CDH12: variants seen among roughly 807,000 people sequenced by gnomAD.
CDH12 encodes cadherin 12.
Under a neutral mutation model 74.1 loss-of-function variants are expected in CDH12, and 41 were observed. The ratio of observed to expected loss-of-function variants is 0.55; its 90% CI spans 0.43 to 0.72. The LOEUF (loss-of-function observed/expected upper bound fraction) is 0.72, where lower values mean the gene tolerates loss of function less well. Among genes scored for constraint, CDH12 ranks in the 30% least tolerant of loss-of-function variants. CDH12 has a pLI of 0.00. For missense variants in CDH12, 945 were observed against 977.2 expected, an observed-to-expected ratio of 0.97 and a Z score of 0.44; for synonymous variants, 399 against 355.0, an observed-to-expected ratio of 1.12 and a Z score of -1.39.
At chr5:22,421,084 C>CT in intron 2 of CDH12, among the ~76,000 whole-genome samples, 1 of 152,178 alleles carries the variant, frequency 6.6e-6, no homozygotes. Flanking sequence ...GCTTAAGAAG[C>CT]TTTTGGGCTG....
chr5:22,734,730 C>A (rs1209383861), intron 1 of CDH12, among the ~76,000 whole-genome samples: 1 of 151,896 alleles, frequency 6.6e-6, no homozygotes, highest in Non-Finnish European at 1.5e-5. Flanking sequence ...GACACCCATG[C>A]ACCGGTCTTG....
At chr5:22,148,952 C>G (rs1395366949) in intron 4 of CDH12, among the ~76,000 whole-genome samples, 3 of 152,012 alleles carry the variant, frequency 2.0e-5, no homozygotes, top group African/African-American at 7.2e-5. Flanking sequence ...AACCCCGTCT[C>G]ACTAAAAATA....
Position 21,975,161 on chromosome 5 carries a change from A to G in CDH12, c.456T>C (p.Asp152=), listed in dbSNP as rs1180207697. 6.3e-7 allele frequency: 1 copy of G among 1,596,922 alleles called. No homozygotes were observed. The highest frequency in any genetic ancestry group is 8.5e-7 in the Non-Finnish European group (1 of 1,179,248). Residue 152 remains aspartate (D), a synonymous_variant, in exon 6 of 15, where the codon GAT becomes GAC. Transcript: ENST00000382254. ...PESEFIIKVQ[D]INDNEPKFLD... Reference sequence around the variant, plus strand: ...AAAACTTTGGCTCATTATCATTAATATCCTGCACTTTGATGATGAATTCTG... The same window carrying G: ...AAAACTTTGGCTCATTATCATTAATGTCCTGCACTTTGATGATGAATTCTG...
At chr5:22,143,479 T>C (rs74794857) in intron 4 of CDH12, 91,582 of 150,462 alleles carry the variant, frequency 0.61, 28,099 homozygotes, top group African/African-American at 0.67. Context: ...AAGCAATTTC[T>C]TGCCTCAGCC....
intron 1 of CDH12, among the ~76,000 whole-genome samples, chr5:22,817,770 T>G (rs1019269616): frequency 6.6e-6 from 1 of 152,168 alleles, no homozygotes; most frequent in African/African-American, 2.4e-5. Context: ...AGTAAATGGC[T>G]TGATGCCTTT....
chr5:22,711,953 A>G (rs761649185), intron 1 of CDH12, among the ~76,000 whole-genome samples: 12 of 152,012 alleles, frequency 7.9e-5, no homozygotes, highest in Non-Finnish European at 1.5e-4. Context: ...TAAGGTCCAC[A>G]TTTTCTAATA....
intron 6 of CDH12, among the ~76,000 whole-genome samples, chr5:21,912,303 T>A (rs1753891594): frequency 6.6e-6 from 1 of 151,958 alleles, no homozygotes; most frequent in Non-Finnish European, 1.5e-5. Context: ...GGAAAATTGT[T>A]AAGCAACTTT....
intron 5 of CDH12, among the ~76,000 whole-genome samples, chr5:22,005,405 G>T (rs1736883783): frequency 6.6e-6 from 1 of 152,082 alleles, no homozygotes; most frequent in African/African-American, 2.4e-5. Context: ...TAGATTTCAT[G>T]ACTTTCCTAT....
intron 5 of CDH12, among the ~76,000 whole-genome samples, chr5:21,991,309 G>T (rs1419244535): frequency 1.3e-5 from 2 of 151,462 alleles, no homozygotes; most frequent in Non-Finnish European, 2.9e-5. Context: ...AACAGAAATG[G>T]TTATTAAAAT....
In CDH12 at chr5:22,664,783, G is replaced by A. The variant is rs113608163; in HGVS notation, c.-522-159419C>T. ...AAGTAATTTGTCCAAGGTTATAGAC[G>A]TAGATTTCAAAACCAGGCAGCTCAA... On this transcript the variant is annotated intron_variant, in intron 1 of 14. Coordinates refer to ENST00000382254, the MANE Select transcript of CDH12 (RefSeq NM_004061.5). 7.5e-3 allele frequency among the ~76,000 whole-genome samples: 1,140 copies of A among 152,190 alleles called. 16 individuals are homozygous for A. The highest frequency in any genetic ancestry group is 0.026 in the African/African-American group (1,095 of 41,510).
rs150376491 is a variant in CDH12, at chr5:22,306,614, C to T, written c.-332-93971G>A. 4.4e-3 allele frequency among the ~76,000 whole-genome samples: 675 copies of T among 152,216 alleles called. 4 individuals are homozygous for T. Among genetic ancestry groups the T allele is most frequent in the African/African-American group, 0.015 (632 of 41,532 alleles). Reference sequence around the variant, plus strand: ...TACAGAAATTAAATGAGGATGCTTACAGTTTCTAGCACACACTTTGTGCTC... The same window carrying T: ...TACAGAAATTAAATGAGGATGCTTATAGTTTCTAGCACACACTTTGTGCTC... On this transcript the variant is annotated intron_variant, in intron 3 of 14. Coordinates refer to ENST00000382254, the MANE Select transcript of CDH12 (RefSeq NM_004061.5).
chr5:22,505,255 A>G lies in CDH12; in HGVS notation c.-428+15T>C, dbSNP rs1430802771. The G allele has an allele frequency of 1.1e-6, 1 of 914,792 alleles. No individual in the cohort carries two copies. The highest frequency in any genetic ancestry group is 1.3e-6 in the Non-Finnish European group (1 of 765,800). 56.7% of individuals were successfully genotyped at this position (914,792 alleles called of 1,614,324 possible). ...AGGTAAAAGCATATATCTTGATAAG[A>G]TTTTTTTTACCTACCTTTAAAAAGG... On this transcript the variant is annotated intron_variant, in intron 2 of 14. Transcript: ENST00000382254.
intron 3 of CDH12, among the ~76,000 whole-genome samples, chr5:22,235,514 G>C: frequency 6.6e-6 from 1 of 151,896 alleles, no homozygotes; most frequent in Non-Finnish European, 1.5e-5. Flanking sequence ...TTGGGAGATG[G>C]AAGTTGTAGT....
chr5:21,969,709 T>C (rs1756746475), intron 6 of CDH12, among the ~76,000 whole-genome samples: 1 of 152,202 alleles, frequency 6.6e-6, no homozygotes, highest in South Asian at 2.1e-4. Flanking sequence ...CTTAAGTATC[T>C]GCTGTTTTAC....
intron 5 of CDH12, among the ~76,000 whole-genome samples, chr5:22,009,312 G>A (rs1407909036): frequency 6.6e-6 from 1 of 152,050 alleles, no homozygotes; most frequent in Non-Finnish European, 1.5e-5. Flanking sequence ...CCATCTCTCT[G>A]GCCAACATTA....
chr5:22,030,907 ATTAC>A (rs1319784240), intron 5 of CDH12, among the ~76,000 whole-genome samples: 9 of 152,194 alleles, frequency 5.9e-5, no homozygotes, highest in African/African-American at 1.7e-4. Context: ...TGTGATGGCG[ATTAC>A]TTACTTCCTT....
Position 22,492,156 on chromosome 5 carries a change from A to G in CDH12, c.-428+13114T>C, listed in dbSNP as rs115791310. Among the ~76,000 whole-genome samples, 1,095 of 152,256 alleles carry G rather than the reference A, an allele frequency of 7.2e-3. 12 individuals carry two copies. Among genetic ancestry groups the G allele is most frequent in the African/African-American group, 0.025 (1,059 of 41,540 alleles). On this transcript the variant is annotated intron_variant, in intron 2 of 14. Transcript: ENST00000382254. ...AAGACACAGCCTGGCAGAAGCACAGATAACAGCGCCCTGGAGAATATTTCC... is the reference window on the plus strand; with the variant it reads ...AAGACACAGCCTGGCAGAAGCACAGGTAACAGCGCCCTGGAGAATATTTCC...
chr5:22,574,824 C>G (rs1292447172), intron 1 of CDH12, among the ~76,000 whole-genome samples: 1 of 151,986 alleles, frequency 6.6e-6, no homozygotes, highest in Non-Finnish European at 1.5e-5. Flanking sequence ...GCCAGAAACA[C>G]GAGCCCTAGA....
intron 4 of CDH12, among the ~76,000 whole-genome samples, chr5:22,191,813 C>A (rs928080434): frequency 6.6e-6 from 1 of 152,006 alleles, no homozygotes; most frequent in African/African-American, 2.4e-5. Context: ...ATCCGCCCGC[C>A]TCGGCCTCCC....
Sources: gnomAD v4.1 joint callset for allele counts (sites outside exome capture counted in the v4.1 genomes callset) on GRCh38, gnomAD v4.1.1 for gene constraint, MANE v1.5 for transcripts, NCBI Gene and HGNC (gene_info 2026-07-23, HGNC 2026-07-21) for gene names.